KMT2E: variants seen among roughly 807,000 people sequenced by gnomAD.
The protein encoded by KMT2E is histone reader KMT2E.
A neutral mutation model predicts 184.6 loss-of-function variants in KMT2E; 30 were observed. The observed-to-expected ratio is 0.16, with a 90% CI of 0.12 to 0.22. The LOEUF is 0.22. Ranked by LOEUF, KMT2E falls within the 10% of genes least tolerant of loss-of-function variation. KMT2E has a pLI of 1.00. For synonymous variants in KMT2E, 815 were observed against 776.5 expected (o/e 1.05, Z -0.82); for missense variants, 2,023 against 2,237.4 (o/e 0.90, Z 1.93).
chr7:105,051,400 G>A (rs1041167320), intron 3 of KMT2E, among the ~76,000 whole-genome samples: 3 of 151,942 alleles, frequency 2.0e-5, no homozygotes, highest in Admixed American at 2.0e-4. Context: ...GGTCAGGCTG[G>A]TCTCAAACTC....
chr7:105,073,046 A>G (rs1434041327), intron 6 of KMT2E, among the ~76,000 whole-genome samples: 1 of 151,734 alleles, frequency 6.6e-6, no homozygotes, highest in African/African-American at 2.4e-5. Flanking sequence ...TGTTAACATT[A>G]TGGGTTTTTT....
chr7:105,112,900 C>T lies in KMT2E; in HGVS notation c.5144C>T (p.Pro1715Leu), dbSNP rs1254792866. The part of the protein sequence containing the change: ...AQHQHVVNSA[P>L]PPPPPPPPSS... Reference sequence around the variant, plus strand: ...CACCAGCATGTTGTAAATTCAGCACCCCCACCACCCCCTCCGCCGCCACCT... The same window carrying T: ...CACCAGCATGTTGTAAATTCAGCACTCCCACCACCCCCTCCGCCGCCACCT... The change falls in exon 27 of 27, where the codon CCC becomes CTC. Residue 1715 changes from proline (P) to leucine (L), a missense_variant. Physicochemically the swap from Pro to Leu is moderately conservative, Grantham distance 98 (BLOSUM62 -3). Coordinates refer to ENST00000311117, the MANE Select transcript of KMT2E (RefSeq NM_182931.3). 1 of 1,612,666 alleles carries T rather than the reference C, an allele frequency of 6.2e-7. No homozygotes were observed. Among genetic ancestry groups the T allele is most frequent in the Admixed American group, 1.7e-5 (1 of 59,788 alleles).
At chr7:105,108,517 G>T (rs1389416592) in intron 22 of KMT2E, 1 of 452,442 alleles carries the variant, frequency 2.2e-6, no homozygotes, top group Non-Finnish European at 4.4e-6. Flanking sequence ...GAATTTTCGT[G>T]ATGTGTGCTT....
chr7:105,107,134 A>G, intron 20 of KMT2E, 32 bp from the exon 21 acceptor site: 2 of 1,201,090 alleles, frequency 1.7e-6, no homozygotes, highest in East Asian at 2.4e-5. Context: ...GTATTTTTAA[A>G]TTTTCAATTC....
intron 1 of KMT2E, among the ~76,000 whole-genome samples, chr7:105,022,927 G>A (rs910251929): frequency 6.6e-6 from 1 of 151,926 alleles, no homozygotes; most frequent in African/African-American, 2.4e-5. Context: ...TAAATTTTAA[G>A]GAAGAAAAGT....
intron 1 of KMT2E, among the ~76,000 whole-genome samples, chr7:105,029,014 C>T (rs1243525094): frequency 6.6e-6 from 1 of 152,028 alleles, no homozygotes; most frequent in Non-Finnish European, 1.5e-5. Flanking sequence ...TCTATAATCC[C>T]AGCACTTTGG....
chr7:105,020,406 C>T (rs1352301298), intron 1 of KMT2E, among the ~76,000 whole-genome samples: 1 of 152,072 alleles, frequency 6.6e-6, no homozygotes, highest in East Asian at 1.9e-4. Context: ...GCCTGGCCAA[C>T]ATGGTGAAAC....
At chr7:105,029,436 C>T (rs1386952342) in intron 1 of KMT2E, among the ~76,000 whole-genome samples, 1 of 152,128 alleles carries the variant, frequency 6.6e-6, no homozygotes, top group Non-Finnish European at 1.5e-5. Context: ...TAGTTGTACT[C>T]TGAGGGAGGA....
intron 13 of KMT2E, among the ~76,000 whole-genome samples, chr7:105,086,107 G>A (rs117871677): frequency 0.026 from 3,950 of 151,976 alleles, 104 homozygotes; most frequent in Non-Finnish European, 0.032. Context: ...CATTTATTAC[G>A]TGAGATTAAC....
chr7:105,019,062 GAATT>G (rs1173529104), intron 1 of KMT2E, among the ~76,000 whole-genome samples: 1 of 151,996 alleles, frequency 6.6e-6, no homozygotes, highest in Non-Finnish European at 1.5e-5. Flanking sequence ...CAAGAGATAA[GAATT>G]AACCATATTA....
intron 3 of KMT2E, among the ~76,000 whole-genome samples, chr7:105,042,700 A>G (rs1795934423): frequency 6.6e-6 from 1 of 152,246 alleles, no homozygotes; most frequent in Admixed American, 6.5e-5. Context: ...AACTGAGGAC[A>G]ATTGTCATAC....
At chr7:105,097,941 A>C (rs1223529809) in intron 15 of KMT2E, among the ~76,000 whole-genome samples, 1 of 152,182 alleles carries the variant, frequency 6.6e-6, no homozygotes, top group Non-Finnish European at 1.5e-5. Flanking sequence ...TTCGTAGAGA[A>C]TGGGGTAGAG....
At chr7:105,066,838 G>A (rs1421917915) in intron 6 of KMT2E, 31 bp downstream of exon 6, 2 of 1,412,888 alleles carry the variant, frequency 1.4e-6, no homozygotes, top group South Asian at 1.2e-5. Context: ...AACATTGCCA[G>A]TAATTTTACT....
At chr7:105,079,670 G>A (rs996813821) in intron 12 of KMT2E, among the ~76,000 whole-genome samples, 4 of 150,722 alleles carry the variant, frequency 2.7e-5, no homozygotes, top group South Asian at 2.1e-4. Context: ...GACTGCAGGC[G>A]TGTGCAACCA....
intron 20 of KMT2E, among the ~76,000 whole-genome samples, 159 bp downstream of exon 20, chr7:105,106,931 T>G (rs1017325455): frequency 6.6e-6 from 1 of 152,216 alleles, no homozygotes; most frequent in African/African-American, 2.4e-5. Flanking sequence ...TGAATTTAGA[T>G]GTTTTTATTT....
At chr7:105,093,228 C>G (rs1438294893) in intron 15 of KMT2E, among the ~76,000 whole-genome samples, 1 of 151,958 alleles carries the variant, frequency 6.6e-6, no homozygotes, top group African/African-American at 2.4e-5. Context: ...AAACAGAAAA[C>G]CAGTGGGGGT....
At chr7:105,088,565 T>G (rs1455263792) in intron 13 of KMT2E, among the ~76,000 whole-genome samples, 1 of 152,250 alleles carries the variant, frequency 6.6e-6, no homozygotes, top group Non-Finnish European at 1.5e-5. Context: ...ATTATTGTTT[T>G]AACTGAGGTT....
intron 1 of KMT2E, among the ~76,000 whole-genome samples, chr7:105,021,139 TA>T (rs1385642507): frequency 6.6e-6 from 1 of 152,238 alleles, no homozygotes; most frequent in Admixed American, 6.5e-5. Context: ...ATGATGTGAC[TA>T]ATTTGAATGG....
chr7:105,088,822 G>A (rs1232310825), intron 13 of KMT2E, among the ~76,000 whole-genome samples: 1 of 152,196 alleles, frequency 6.6e-6, no homozygotes, highest in Admixed American at 6.5e-5. Context: ...GAGACAGAGT[G>A]CAGTTATTTC....
Sources: allele counts gnomAD v4.1 joint callset (sites outside exome capture counted in the v4.1 genomes callset), GRCh38; gene constraint gnomAD v4.1.1; transcripts MANE v1.5; gene names NCBI Gene and HGNC (gene_info 2026-07-23, HGNC 2026-07-21).